Variants in POU1F1 observed in about 807,000 individuals in gnomAD.
The protein encoded by POU1F1 is POU class 1 homeobox 1, also known as pituitary-specific positive transcription factor 1.
A neutral mutation model predicts 32.3 loss-of-function variants in POU1F1; 23 were observed. The ratio of observed to expected loss-of-function variants is 0.71; its 90% CI spans 0.51 to 1.01. POU1F1 has a LOEUF of 1.01. Ranked by LOEUF, POU1F1 falls within the 50% of genes least tolerant of loss-of-function variation. POU1F1 has a pLI of 0.00. For missense variants in POU1F1, 323 were observed against 341.6 expected (o/e 0.95, Z 0.43); for synonymous variants, 120 against 115.6 (o/e 1.04, Z -0.25).
intron 2 of POU1F1, among the ~76,000 whole-genome samples, chr3:87,268,573 T>C (rs1313998455): frequency 6.6e-6 from 1 of 152,042 alleles, no homozygotes; most frequent in Non-Finnish European, 1.5e-5. Context: ...GGAGAGTGAT[T>C]GGGATGATAT....
intron 1 of POU1F1, among the ~76,000 whole-genome samples, chr3:87,275,518 G>A (rs1706810563): frequency 6.6e-6 from 1 of 151,966 alleles, no homozygotes; most frequent in Non-Finnish European, 1.5e-5. Flanking sequence ...CTATTCAATG[G>A]AAGAAATTTA....
chr3:87,262,310 CTG>C (rs1706529316), intron 3 of POU1F1, 75 bp from the exon 4 acceptor site: 1 of 1,528,760 alleles, frequency 6.5e-7, no homozygotes, highest in Non-Finnish European at 9.0e-7. Context: ...TCACACAAAT[CTG>C]TGTATCTTTG....
chr3:87,259,754 T>G lies in POU1F1; in HGVS notation c.*140A>C, dbSNP rs33936108. ...ATTTAAATTGTTGGTTTCTTTTTTT[T>G]AAAAAAAAGTGGAAAAGTAAAGCTT... On this transcript the variant is annotated 3_prime_UTR_variant, in exon 6 of 6. Transcript: ENST00000350375. 5 of 654,078 alleles carry G rather than the reference T, an allele frequency of 7.6e-6. No individual in the cohort carries two copies. The highest frequency in any genetic ancestry group is 1.3e-5 in the Non-Finnish European group (5 of 384,756). 40.5% of individuals were successfully genotyped at this position (654,078 alleles called of 1,614,324 possible).
intron 3 of POU1F1, among the ~76,000 whole-genome samples, chr3:87,263,494 G>A (rs1706549393): frequency 6.6e-6 from 1 of 152,070 alleles, no homozygotes; most frequent in Non-Finnish European, 1.5e-5. Flanking sequence ...TATAGCCTGA[G>A]GATGGTGAAA....
In POU1F1 at chr3:87,259,828, C is replaced by CTGTT; in HGVS notation, c.*62_*65dup. On this transcript the variant is annotated 3_prime_UTR_variant, in exon 6 of 6. Transcript: ENST00000350375. ...TGATTTTAAGTCAACCAAGTAATTTCTGTTTTTGTTGAGGAAGAGAAAGGA... is the reference window on the plus strand; with the variant it reads ...TGATTTTAAGTCAACCAAGTAATTTCTGTTTGTTTTTGTTGAGGAAGAGAAAGGA... The CTGTT allele has an allele frequency of 7.4e-7, 1 of 1,353,534 alleles. No homozygotes were observed. Among genetic ancestry groups the CTGTT allele is most frequent in the Non-Finnish European group, 1.1e-6 (1 of 952,124 alleles). The allele number at this position is 1,353,534 out of a possible 1,614,324, so 83.8% of individuals were successfully genotyped here.
intron 2 of POU1F1, among the ~76,000 whole-genome samples, chr3:87,271,326 T>C (rs777833340): frequency 6.6e-6 from 1 of 152,172 alleles, no homozygotes; most frequent in South Asian, 2.1e-4. Flanking sequence ...TGAGGCCAGC[T>C]GCAAACTCCC....
At chr3:87,275,933 A>G (rs1298014956) in intron 1 of POU1F1, among the ~76,000 whole-genome samples, 3 of 152,162 alleles carry the variant, frequency 2.0e-5, no homozygotes, top group Non-Finnish European at 4.4e-5. Flanking sequence ...ACAACCGAAT[A>G]AACCTTTAAG....
At chr3:87,273,733 A>G (rs1473401690) in intron 1 of POU1F1, among the ~76,000 whole-genome samples, 1 of 152,170 alleles carries the variant, frequency 6.6e-6, no homozygotes, top group Non-Finnish European at 1.5e-5. Flanking sequence ...TGCCCCGTGA[A>G]GGGGTGACTG....
intron 5 of POU1F1, among the ~76,000 whole-genome samples, chr3:87,260,864 TA>T (rs1255600072): frequency 3.9e-3 from 32 of 8,224 alleles, no homozygotes; most frequent in East Asian, 0.027. Flanking sequence ...ACATTATTAT[TA>T]TTTTTTTTTT....
At chr3:87,261,888 A>G (rs550466030) in intron 4 of POU1F1, among the ~76,000 whole-genome samples, 183 bp downstream of exon 4, 1 of 152,270 alleles carries the variant, frequency 6.6e-6, no homozygotes, top group East Asian at 1.9e-4. Flanking sequence ...TTCCACACTT[A>G]CATTGCCCTT....
chr3:87,265,803 T>G (rs569488285), intron 2 of POU1F1, among the ~76,000 whole-genome samples: 1 of 152,078 alleles, frequency 6.6e-6, no homozygotes, highest in South Asian at 2.1e-4. Context: ...ATGCAAATAC[T>G]ACACCATTTT....
Position 87,259,633 on chromosome 3 carries a change from G to C in POU1F1, c.*261C>G. On this transcript the variant is annotated 3_prime_UTR_variant, in exon 6 of 6. Coordinates refer to ENST00000350375, the MANE Select transcript of POU1F1 (RefSeq NM_000306.4). ...TGTGTGTGAGAAAGAGAGCGGGAGA[G>C]ACAGAGAGATCATTTTATTACTGTT... 1 of 435,242 alleles carries C rather than the reference G, an allele frequency of 2.3e-6. No homozygotes were observed. The highest frequency in any genetic ancestry group is 4.1e-6 in the Non-Finnish European group (1 of 241,698). 27.0% of individuals were successfully genotyped at this position (435,242 alleles called of 1,614,324 possible).
At chr3:87,265,741 A>G (rs1706608235) in intron 2 of POU1F1, among the ~76,000 whole-genome samples, 1 of 151,982 alleles carries the variant, frequency 6.6e-6, no homozygotes, top group Non-Finnish European at 1.5e-5. Flanking sequence ...ATTGATTTAG[A>G]TATTATAAGT....
At chr3:87,269,241 A>G (rs1706681128) in intron 2 of POU1F1, among the ~76,000 whole-genome samples, 1 of 152,142 alleles carries the variant, frequency 6.6e-6, no homozygotes, top group South Asian at 2.1e-4. Flanking sequence ...GTGTTTGTAA[A>G]TTAAGTTTAA....
chr3:87,269,930 G>A (rs957153938), intron 2 of POU1F1, among the ~76,000 whole-genome samples: 2 of 152,132 alleles, frequency 1.3e-5, no homozygotes, highest in Non-Finnish European at 2.9e-5. Flanking sequence ...CAGGACAGCA[G>A]AAAGGGTGAA....
At chr3:87,266,895 T>C (rs1007832515) in intron 2 of POU1F1, among the ~76,000 whole-genome samples, 8 of 152,080 alleles carry the variant, frequency 5.3e-5, no homozygotes, top group African/African-American at 1.9e-4. Context: ...CACATATATT[T>C]ATAAAACCTT....
intron 1 of POU1F1, among the ~76,000 whole-genome samples, chr3:87,273,914 T>C (rs530454013): frequency 6.6e-6 from 1 of 152,198 alleles, no homozygotes; most frequent in Non-Finnish European, 1.5e-5. Flanking sequence ...GAACAGCGTA[T>C]TTTTGCTTAT....
Position 87,276,330 on chromosome 3 carries a change from T to C in POU1F1, c.133A>G (p.Met45Val). The part of the protein sequence containing the change: ...LPVSNHATNV[M>V]STATGLHYSV... The stretch of plus-strand genomic sequence containing the variant: ...TCATAGGAGTCAGTACCTGTAGACA[T>C]CACATTGGTGGCATGGTTGGAGACT... Residue 45 changes from methionine (M) to valine (V), a missense_variant, in exon 1 of 6, where the codon ATG becomes GTG. Coordinates refer to ENST00000350375, the MANE Select transcript of POU1F1 (RefSeq NM_000306.4). 6.2e-7 allele frequency: 1 copy of C among 1,613,936 alleles called. No individual in the cohort carries two copies. Among genetic ancestry groups the C allele is most frequent in the Non-Finnish European group, 8.5e-7 (1 of 1,179,866 alleles).
chr3:87,274,773 T>C (rs1316804998), intron 1 of POU1F1, among the ~76,000 whole-genome samples: 1 of 151,612 alleles, frequency 6.6e-6, no homozygotes, highest in African/African-American at 2.4e-5. Context: ...AAATTATAAA[T>C]CAATGCTATT....
Sources: allele counts gnomAD v4.1 joint callset (sites outside exome capture counted in the v4.1 genomes callset), GRCh38; gene constraint gnomAD v4.1.1; transcripts MANE v1.5; gene names NCBI Gene and HGNC (gene_info 2026-07-23, HGNC 2026-07-21).